The following BCAT1 variants were observed in gnomAD, a reference collection of about 807,000 sequenced individuals.
The protein encoded by BCAT1 is branched chain amino acid transaminase 1.
BCAT1 carries 48 observed loss-of-function variants against 52.4 expected under a neutral mutation model. The ratio of observed to expected loss-of-function variants is 0.92; its 90% CI spans 0.73 to 1.16. The LOEUF is 1.16. Ranked by LOEUF, BCAT1 falls within the 50% of genes most tolerant of loss-of-function variation. The probability of loss-of-function intolerance (pLI) is 0.00; values close to 1 mark genes in which losing one functional copy is unlikely to be tolerated. For missense variants in BCAT1, 451 were observed against 457.1 expected (o/e 0.99, Z 0.12); for synonymous variants, 167 against 161.3 (o/e 1.04, Z -0.27).
At chr12:24,903,184 C>G in intron 1 of BCAT1, 1 of 1,164,688 alleles carries the variant, frequency 8.6e-7, no homozygotes, top group Non-Finnish European at 1.1e-6. Context: ...GAGGAGCCTC[C>G]AACCGTCTCG....
chr12:24,820,555 A>C (rs1309026163), intron 10 of BCAT1, among the ~76,000 whole-genome samples: 1 of 152,188 alleles, frequency 6.6e-6, no homozygotes. Flanking sequence ...ATTACAAAAC[A>C]ACAGTGCAGG....
intron 10 of BCAT1, 23 bp from the exon 11 acceptor site, chr12:24,818,072 T>C: frequency 6.2e-7 from 1 of 1,611,796 alleles, no homozygotes; most frequent in Non-Finnish European, 8.5e-7. Context: ...CAAGAAAACG[T>C]GTTTCAGTAC....
chr12:24,850,050 A>C, intron 5 of BCAT1, 101 bp from the exon 6 acceptor site: 1 of 1,129,868 alleles, frequency 8.9e-7, no homozygotes, highest in Non-Finnish European at 1.2e-6. Context: ...GAAGCCATCG[A>C]ATTACAGGAG....
At chr12:24,891,061 C>G (rs1282280184) in intron 3 of BCAT1, among the ~76,000 whole-genome samples, 1 of 152,160 alleles carries the variant, frequency 6.6e-6, no homozygotes, top group Non-Finnish European at 1.5e-5. Flanking sequence ...AGAGGAAAAA[C>G]TCGGTTGGAG....
At chr12:24,830,926 G>A (rs921429791) in intron 9 of BCAT1, 12 of 152,190 alleles carry the variant, frequency 7.9e-5, no homozygotes, top group African/African-American at 2.4e-4. Context: ...AAAGTCAGAG[G>A]AGTTGAGCAA....
intron 5 of BCAT1, among the ~76,000 whole-genome samples, chr12:24,861,857 AG>A (rs1334752908): frequency 6.6e-6 from 1 of 152,246 alleles, no homozygotes; most frequent in Non-Finnish European, 1.5e-5. Flanking sequence ...GAAGCAGTAA[AG>A]AAGCCAGCCA....
chr12:24,862,703 T>C (rs1941879775), intron 5 of BCAT1, among the ~76,000 whole-genome samples: 1 of 152,198 alleles, frequency 6.6e-6, no homozygotes, highest in Non-Finnish European at 1.5e-5. Flanking sequence ...TAAATTCCCG[T>C]TCTCTTTTCC....
intron 1 of BCAT1, among the ~76,000 whole-genome samples, chr12:24,943,493 G>GGAAA (rs1555118765): frequency 1.7e-5 from 1 of 58,528 alleles, no homozygotes; most frequent in Non-Finnish European, 3.2e-5. Flanking sequence ...ACCCTATCTG[G>GGAAA]AAAAAAAAAA....
At chr12:24,941,864 T>C (rs1383835064) in intron 1 of BCAT1, among the ~76,000 whole-genome samples, 2 of 152,172 alleles carry the variant, frequency 1.3e-5, no homozygotes, top group Non-Finnish European at 2.9e-5. Flanking sequence ...AGCAACATGG[T>C]GCAAATTATA....
At chr12:24,856,187 C>T (rs1447425867) in intron 5 of BCAT1, among the ~76,000 whole-genome samples, 1 of 152,170 alleles carries the variant, frequency 6.6e-6, no homozygotes, top group Non-Finnish European at 1.5e-5. Flanking sequence ...TAAACACCCT[C>T]CTTTCTCCCA....
At chr12:24,942,515 G>C (rs1034476425) in intron 1 of BCAT1, among the ~76,000 whole-genome samples, 8 of 150,946 alleles carry the variant, frequency 5.3e-5, no homozygotes, top group African/African-American at 1.7e-4. Context: ...CTGCACTCCA[G>C]CGTGGGTGAC....
intron 5 of BCAT1, among the ~76,000 whole-genome samples, chr12:24,873,822 C>G (rs927513954): frequency 6.6e-6 from 1 of 152,126 alleles, no homozygotes; most frequent in African/African-American, 2.4e-5. Context: ...TTTCCATGCA[C>G]TGGTAGCCTG....
At chr12:24,870,723 A>C (rs1942162694) in intron 5 of BCAT1, among the ~76,000 whole-genome samples, 1 of 152,194 alleles carries the variant, frequency 6.6e-6, no homozygotes, top group South Asian at 2.1e-4. Flanking sequence ...CTGCATAAGC[A>C]CCTGCTCACA....
chr12:24,834,200 A>G (rs556523087), intron 8 of BCAT1: 1 of 977,792 alleles, frequency 1.0e-6, no homozygotes, highest in African/African-American at 1.7e-5. Context: ...TAAACGTTGA[A>G]TGTATATTTG....
intron 1 of BCAT1, among the ~76,000 whole-genome samples, chr12:24,940,386 C>T (rs1360947236): frequency 6.6e-6 from 1 of 152,070 alleles, no homozygotes; most frequent in East Asian, 1.9e-4. Context: ...GAACATTGAT[C>T]AAAAGGAGGG....
At chr12:24,869,504 T>G (rs908396938) in intron 5 of BCAT1, among the ~76,000 whole-genome samples, 1 of 152,194 alleles carries the variant, frequency 6.6e-6, no homozygotes, top group Admixed American at 6.5e-5. Context: ...TTTCATGGCC[T>G]TGGGACAAGG....
intron 3 of BCAT1, among the ~76,000 whole-genome samples, chr12:24,885,038 T>C (rs1313618456): frequency 2.6e-5 from 4 of 152,184 alleles, no homozygotes; most frequent in Admixed American, 1.3e-4. Flanking sequence ...ACATCGCAAA[T>C]TGCCTACTGC....
At chr12:24,863,437 C>G (rs752689019) in intron 5 of BCAT1, among the ~76,000 whole-genome samples, 42 of 152,088 alleles carry the variant, frequency 2.8e-4, no homozygotes, top group Non-Finnish European at 5.1e-4. Context: ...GAACTTCAGT[C>G]AACACTCAAC....
At chr12:24,818,495 T>A (rs1939972499) in intron 10 of BCAT1, among the ~76,000 whole-genome samples, 1 of 152,202 alleles carries the variant, frequency 6.6e-6, no homozygotes, top group Non-Finnish European at 1.5e-5. Context: ...AAGTTAAAAA[T>A]GCAAATTCCC....
Sources: allele counts gnomAD v4.1 joint callset (sites outside exome capture counted in the v4.1 genomes callset), GRCh38; gene constraint gnomAD v4.1.1; transcripts MANE v1.5; gene names NCBI Gene and HGNC (gene_info 2026-07-23, HGNC 2026-07-21).